The following FAM161B variants were observed in gnomAD, a reference collection of about 807,000 sequenced individuals.
FAM161B encodes the protein protein FAM161B.
FAM161B carries 46 observed loss-of-function variants against 61.5 expected under a neutral mutation model. That is an observed-to-expected ratio of 0.75 (90% CI 0.59 to 0.96). The LOEUF is 0.96. Ranked by LOEUF, FAM161B falls within the 40% of genes least tolerant of loss-of-function variation. The pLI is 0.00. For missense variants in FAM161B, 774 were observed against 800.7 expected, an observed-to-expected ratio of 0.97 and a Z score of 0.40; for synonymous variants, 284 against 302.7, an observed-to-expected ratio of 0.94 and a Z score of 0.64.
At chr14:73,925,833 A>G in the FAM161B span, among the ~76,000 whole-genome samples, 1 of 152,112 alleles carries the variant, frequency 6.6e-6, no homozygotes, top group Admixed American at 6.5e-5. Flanking sequence ...GGAGTTCAAG[A>G]CCAGCCTGGG....
chr14:73,946,367 G>A lies in FAM161B; in HGVS notation c.293C>T (p.Ser98Phe), dbSNP rs1362159715. The change falls in exon 2 of 9, where the codon TCT becomes TTT. Residue 98 changes from serine (S) to phenylalanine (F), a missense_variant. Physicochemically the swap from Ser to Phe is radical, Grantham distance 155 (BLOSUM62 -2). Transcript: ENST00000286544. ...QSDPESDENLSEDEEDLESFF... is the reference protein window; with the variant it reads ...QSDPESDENLFEDEEDLESFF... ...ACTCTCCAGGTCCTCCTCATCTTCA[G>A]AGAGGTTTTCATCACTCTCTGGGTC... 5 of 1,614,086 alleles carry A rather than the reference G, an allele frequency of 3.1e-6. No homozygotes were observed. The highest frequency in any genetic ancestry group is 4.2e-6 in the Non-Finnish European group (5 of 1,180,048).
rs28927675 is a variant in FAM161B, at chr14:73,938,053, T to C, written c.1460A>G (p.Lys487Arg). 0.47 allele frequency: 760,403 copies of C among 1,613,934 alleles called. 182,262 individuals are homozygous for C. Among genetic ancestry groups the C allele is most frequent in the South Asian group, 0.51 (46,253 of 91,080 alleles). Residue 487 changes from lysine (K) to arginine (R), a missense_variant, in exon 6 of 9, where the codon AAA (lysine) becomes AGA (arginine). Physicochemically the swap from Lys to Arg is conservative, Grantham distance 26. Coordinates refer to ENST00000286544, the MANE Select transcript of FAM161B (RefSeq NM_152445.3). ...TTTGGACATTGCTTGAGACTTCTTT[T>C]TGTGTATCTCCAGCCACTGAATACT... is the stretch of plus-strand genomic sequence containing the variant. ...DESIQWLEIH[K>R]KKSQAMSKSV...
chr14:73,934,952 C>G (rs2140341193), intron 8 of FAM161B, among the ~76,000 whole-genome samples: 1 of 151,924 alleles, frequency 6.6e-6, no homozygotes, highest in South Asian at 2.1e-4. Context: ...GAGGCTGAAG[C>G]AGGAGAATCG....
rs370028526 is a variant in FAM161B at position 73,938,140 on chromosome 14, T to C, written c.1401-28A>G. On this transcript the variant is annotated intron_variant, in intron 5 of 8. Coordinates refer to ENST00000286544, the MANE Select transcript of FAM161B (RefSeq NM_152445.3). ...AAAGGAAGGAGGCAGAAAAAGAGTATAGATTACCAACCTGGGTATACTGAA... is the reference window on the plus strand; with the variant it reads ...AAAGGAAGGAGGCAGAAAAAGAGTACAGATTACCAACCTGGGTATACTGAA... The C allele has an allele frequency of 2.0e-5, 33 of 1,612,354 alleles. No individual in the cohort carries two copies. In the East Asian group the frequency reaches 3.1e-4, roughly 15 times the overall value.
chr14:73,949,979 G>A lies in FAM161B; in HGVS notation c.48C>T (p.Ser16=). ...GTCTCTTTTCTCTCCTCACCTGACG[G>A]CTCCCCTCCGCGCCTCCGGGGGCTC... The part of the protein sequence containing the change: ...PEGAPGGAEG[S]RQIFPPESFA... The change falls in exon 1 of 9, where the codon AGC becomes AGT. Residue 16 remains serine (S), a synonymous_variant. Coordinates refer to ENST00000286544, the MANE Select transcript of FAM161B (RefSeq NM_152445.3). The A allele has an allele frequency of 3.7e-6, 6 of 1,613,480 alleles. No individual in the cohort carries two copies. The highest frequency in any genetic ancestry group is 5.1e-6 in the Non-Finnish European group (6 of 1,180,012).
At chr14:73,947,142 T>A (rs199805225) in intron 1 of FAM161B, among the ~76,000 whole-genome samples, 1 of 152,160 alleles carries the variant, frequency 6.6e-6, no homozygotes, top group Non-Finnish European at 1.5e-5. Flanking sequence ...TCCCAGCATT[T>A]TGGGAGGCCG....
At chr14:73,942,014 G>A (rs1365999189) in intron 4 of FAM161B, among the ~76,000 whole-genome samples, 6 of 152,146 alleles carry the variant, frequency 3.9e-5, no homozygotes, top group Non-Finnish European at 1.5e-5. Context: ...CCTGTTTTTT[G>A]TTGTTGTTTT....
chr14:73,937,821 C>T (rs1163618560), intron 6 of FAM161B, 120 bp from the exon 7 acceptor site: 21 of 1,549,970 alleles, frequency 1.4e-5, no homozygotes. Context: ...CTTGGAAAAT[C>T]ATGACCCTGC....
chr14:73,938,202 T>A, intron 5 of FAM161B, 90 bp from the exon 6 acceptor site: 1 of 1,485,494 alleles, frequency 6.7e-7, no homozygotes, highest in Non-Finnish European at 9.2e-7. Context: ...CTCACACTTG[T>A]AGTCCTAGCA....
At chr14:73,925,363 T>C in the FAM161B span, among the ~76,000 whole-genome samples, 2 of 152,128 alleles carry the variant, frequency 1.3e-5, no homozygotes, top group African/African-American at 2.4e-5. Flanking sequence ...GAGAGACTAG[T>C]ATGATAAACC....
chr14:73,929,832 A>G (rs1015160179), downstream of FAM161B, among the ~76,000 whole-genome samples: 2 of 152,140 alleles, frequency 1.3e-5, no homozygotes, highest in African/African-American at 2.4e-5. Context: ...AAAAGAAGAA[A>G]AATTACCATG....
Position 73,937,585 on chromosome 14 carries a change from TG to T in FAM161B, c.1665+16del. ...TTATCTAAGGCAGAAAGAAAACAAA[TG>T]ATGGTTTAGTTTTACCTTGGCAACT... On this transcript the variant is annotated intron_variant, in intron 7 of 8. Coordinates refer to ENST00000286544, the MANE Select transcript of FAM161B (RefSeq NM_152445.3). The T allele has an allele frequency of 1.3e-6, 2 of 1,598,270 alleles. No homozygotes were observed. The highest frequency in any genetic ancestry group is 1.7e-6 in the Non-Finnish European group (2 of 1,171,640).
rs750375686 is a variant in FAM161B at position 73,934,208 on chromosome 14, A to G, written c.*48T>C. ...TTTTCCCTGCCTTGACTCAAACCCA[A>G]GTTAGCTGCTTAATATTTTTCAAAA... On this transcript the variant is annotated 3_prime_UTR_variant, in exon 9 of 9. Coordinates refer to ENST00000286544, the MANE Select transcript of FAM161B (RefSeq NM_152445.3). 34 of 1,592,770 alleles carry G rather than the reference A, an allele frequency of 2.1e-5. No homozygotes were observed. The South Asian group carries it at 3.6e-4, about 17-fold the overall frequency.
the FAM161B span, among the ~76,000 whole-genome samples, chr14:73,926,467 CTG>C: frequency 1.3e-5 from 2 of 151,974 alleles, no homozygotes; most frequent in African/African-American, 4.8e-5. Context: ...GAGTCTCACT[CTG>C]TGGCCCAGGT....
intron 8 of FAM161B, among the ~76,000 whole-genome samples, chr14:73,935,741 A>C (rs1406795410): frequency 6.6e-6 from 1 of 152,198 alleles, no homozygotes; most frequent in African/African-American, 2.4e-5. Flanking sequence ...AAGAAAACGA[A>C]ACATAATTTG....
intron 2 of FAM161B, among the ~76,000 whole-genome samples, chr14:73,945,214 A>ATT (rs560134922): frequency 1.3e-5 from 2 of 152,320 alleles, no homozygotes; most frequent in Non-Finnish European, 2.9e-5. Context: ...GTTCTGTTAA[A>ATT]ACCTCAATTT....
downstream of FAM161B, chr14:73,931,913 C>G (rs914031362): frequency 3.7e-5 from 17 of 457,084 alleles, no homozygotes; most frequent in Non-Finnish European, 7.5e-5. Flanking sequence ...GCTGTCTTTT[C>G]ACATGGATGA....
rs772173958 is a variant in FAM161B, at chr14:73,944,659, G to A, written c.601C>T (p.Arg201Trp). The A allele has an allele frequency of 2.8e-5, 45 of 1,613,418 alleles. No homozygotes were observed. The highest frequency in any genetic ancestry group is 3.6e-5 in the Non-Finnish European group (42 of 1,179,776). The stretch of plus-strand genomic sequence containing the variant: ...TCTTCCTCACCCTGCCTCTGGGCCC[G>A]CTGCCTCTCCTGCTCAAAGGAGGCA... Reference protein sequence around the residue: ...SPASFEQERQRAQRQGEEEAE... With the variant: ...SPASFEQERQWAQRQGEEEAE... Residue 201 changes from arginine to tryptophan, a missense_variant, in exon 3 of 9, where the codon CGG becomes TGG. Transcript: ENST00000286544.
At chr14:73,942,297 C>A in intron 4 of FAM161B, 72 bp downstream of exon 4, 2 of 1,470,208 alleles carry the variant, frequency 1.4e-6, no homozygotes, top group South Asian at 2.6e-5. Flanking sequence ...GAAGTGCTTT[C>A]CAGGAAGACC....
Sources: allele counts gnomAD v4.1 joint callset (sites outside exome capture counted in the v4.1 genomes callset), GRCh38; gene constraint gnomAD v4.1.1; transcripts MANE v1.5; gene names NCBI Gene and HGNC (gene_info 2026-07-23, HGNC 2026-07-21).